Variants in SAMMSON observed in about 807,000 individuals in gnomAD.
SAMMSON encodes the protein survival associated mitochondrial melanoma specific oncogenic non-coding RNA.
downstream of SAMMSON, chr3:70,389,996 A>G (rs1231643551): frequency 6.6e-6 from 1 of 152,192 alleles, no homozygotes; most frequent in African/African-American, 2.4e-5. Context: ...CTGATAAATC[A>G]CAAGAGCATT....
intron 3 of SAMMSON, among the ~76,000 whole-genome samples, chr3:70,034,695 T>C (rs962124467): frequency 1.3e-5 from 2 of 151,998 alleles, no homozygotes; most frequent in Non-Finnish European, 2.9e-5. Flanking sequence ...AATACAAAAA[T>C]TAGCTGGGCA....
chr3:70,304,518 A>G (rs975150007), intron 7 of SAMMSON, among the ~76,000 whole-genome samples: 4 of 151,982 alleles, frequency 2.6e-5, no homozygotes, highest in African/African-American at 9.7e-5. Context: ...ACCATTCATC[A>G]TTACCATTTC....
intron 9 of SAMMSON, among the ~76,000 whole-genome samples, chr3:70,369,775 G>T (rs1183914989): frequency 1.3e-5 from 2 of 151,634 alleles, no homozygotes; most frequent in Admixed American, 1.3e-4. Context: ...GGTGTTTAGG[G>T]TATCCATCAC....
chr3:70,247,904 T>C lies in SAMMSON; in HGVS notation n.508-1203T>C, dbSNP rs115074412. On this transcript the variant is annotated intron_variant and non_coding_transcript_variant, in intron 4 of 9. Coordinates refer to ENST00000642114, the Ensembl canonical transcript of SAMMSON. Reference sequence around the variant, plus strand: ...TTATTTTTTATAAGTTTCTGTTTTCTGTAGTAAAGAGATGTGTATTCTTTT... The same window carrying C: ...TTATTTTTTATAAGTTTCTGTTTTCCGTAGTAAAGAGATGTGTATTCTTTT... 3.7e-3 allele frequency among the ~76,000 whole-genome samples: 569 copies of C among 152,232 alleles called. 3 individuals are homozygous for C. Among genetic ancestry groups the C allele is most frequent in the African/African-American group, 0.013 (544 of 41,568 alleles).
intron 3 of SAMMSON, among the ~76,000 whole-genome samples, chr3:70,045,014 ATAAT>A (rs1443750782): frequency 4.6e-5 from 6 of 129,752 alleles, no homozygotes; most frequent in East Asian, 2.1e-4. Context: ...TTATATATAT[ATAAT>A]TAATTATAAT....
At chr3:70,300,491 C>T (rs888399281) in intron 7 of SAMMSON, among the ~76,000 whole-genome samples, 5 of 151,848 alleles carry the variant, frequency 3.3e-5, no homozygotes, top group Admixed American at 1.3e-4. Flanking sequence ...GTGTATTTTT[C>T]CAGCAATGTA....
At chr3:70,369,383 G>A (rs1417753409) in intron 9 of SAMMSON, among the ~76,000 whole-genome samples, 1 of 151,484 alleles carries the variant, frequency 6.6e-6, no homozygotes, top group Non-Finnish European at 1.5e-5. Context: ...AGCATGACAG[G>A]AAAAAAATTT....
downstream of SAMMSON, among the ~76,000 whole-genome samples, chr3:70,390,767 A>C (rs1575639628): frequency 2.0e-5 from 3 of 152,282 alleles, no homozygotes; most frequent in South Asian, 6.2e-4. Context: ...AACTATGTCA[A>C]TAAATACAAT....
intron 9 of SAMMSON, among the ~76,000 whole-genome samples, chr3:70,380,443 G>A (rs1395875422): frequency 6.6e-6 from 1 of 152,036 alleles, no homozygotes. Flanking sequence ...TTCTAGTTTT[G>A]TGCACTAAAA....
At chr3:70,022,426 CAAAAAA>C (rs60455629) in intron 3 of SAMMSON, among the ~76,000 whole-genome samples, 3 of 91,126 alleles carry the variant, frequency 3.3e-5, no homozygotes, top group Non-Finnish European at 6.7e-5. Flanking sequence ...AGTATAATAA[CAAAAAA>C]AAAAAAAAAA....
At chr3:70,101,964 T>A (rs1376323838) in intron 4 of SAMMSON, among the ~76,000 whole-genome samples, 1 of 152,212 alleles carries the variant, frequency 6.6e-6, no homozygotes, top group South Asian at 2.1e-4. Context: ...GTTCCAATAT[T>A]GGAAACAAAT....
intron 4 of SAMMSON, among the ~76,000 whole-genome samples, chr3:70,242,193 G>A (rs549904117): frequency 6.6e-6 from 1 of 152,290 alleles, no homozygotes; most frequent in East Asian, 1.9e-4. Flanking sequence ...GGCTTCTGGA[G>A]TATCTTTCCA....
chr3:70,189,343 G>A (rs910220462), intron 4 of SAMMSON, among the ~76,000 whole-genome samples: 1 of 152,104 alleles, frequency 6.6e-6, no homozygotes, highest in African/African-American at 2.4e-5. Context: ...TACATTTCAG[G>A]CATGACCAAT....
chr3:70,286,038 G>C (rs1458498306), intron 6 of SAMMSON, among the ~76,000 whole-genome samples: 12 of 152,004 alleles, frequency 7.9e-5, no homozygotes, highest in African/African-American at 2.9e-4. Flanking sequence ...AGTTTCTTTT[G>C]CTGTGCAGAA....
At chr3:70,189,697 T>A (rs566980863) in intron 4 of SAMMSON, among the ~76,000 whole-genome samples, 25 of 152,362 alleles carry the variant, frequency 1.6e-4, no homozygotes, top group Non-Finnish European at 2.5e-4. Flanking sequence ...ATTTGGTAAG[T>A]AATAACTCAC....
At chr3:70,051,828 T>G (rs552655373) in intron 3 of SAMMSON, among the ~76,000 whole-genome samples, 1 of 152,260 alleles carries the variant, frequency 6.6e-6, no homozygotes. Flanking sequence ...GCTGGTGCAG[T>G]GGCTCATGCA....
At chr3:70,186,217 A>T (rs1047461889) in intron 4 of SAMMSON, among the ~76,000 whole-genome samples, 1 of 151,808 alleles carries the variant, frequency 6.6e-6, no homozygotes, top group Admixed American at 6.6e-5. Flanking sequence ...TTCATTGTAT[A>T]AAAAAAACAA....
chr3:70,398,179 A>G (rs978843902), intron 2 of SAMMSON, among the ~76,000 whole-genome samples: 13 of 152,180 alleles, frequency 8.5e-5, no homozygotes, highest in Non-Finnish European at 1.5e-5. Context: ...AAAATTATAC[A>G]TGTCTATGGG....
At chr3:70,086,322 T>G (rs944985425) in intron 4 of SAMMSON, among the ~76,000 whole-genome samples, 1 of 152,210 alleles carries the variant, frequency 6.6e-6, no homozygotes, top group Admixed American at 6.5e-5. Flanking sequence ...CTGCCTCAAG[T>G]GTGAAAATAA....
Sources: allele counts gnomAD v4.1 joint callset (sites outside exome capture counted in the v4.1 genomes callset), GRCh38; gene constraint gnomAD v4.1.1; transcripts MANE v1.5; gene names NCBI Gene and HGNC (gene_info 2026-07-23, HGNC 2026-07-21).